The following MAD1L1 variants were observed in gnomAD, a reference collection of about 807,000 sequenced individuals.
The protein encoded by MAD1L1 is mitotic arrest deficient 1 like 1, also known as mitotic spindle assembly checkpoint protein MAD1.
A neutral mutation model predicts 96.9 loss-of-function variants in MAD1L1; 95 were observed. The observed-to-expected ratio is 0.98, with a 90% confidence interval of 0.83 to 1.16. The LOEUF (loss-of-function observed/expected upper bound fraction) is 1.16, where lower values mean the gene tolerates loss of function less well. Ranked by LOEUF, MAD1L1 falls within the 50% of genes most tolerant of loss-of-function variation. The probability of loss-of-function intolerance (pLI) is 0.00; values close to 1 mark genes in which losing one functional copy is unlikely to be tolerated. For synonymous variants in MAD1L1, 473 were observed against 396.6 expected, an observed-to-expected ratio of 1.19 and a Z score of -2.29; for missense variants, 1,007 against 954.4, an observed-to-expected ratio of 1.06 and a Z score of -0.73.
chr7:1,902,772 TACGGAAGACGATCTTGCGGAACTC>T (rs1787328697), intron 17 of MAD1L1, among the ~76,000 whole-genome samples: 2 of 152,248 alleles, frequency 1.3e-5, no homozygotes, highest in Non-Finnish European at 2.9e-5. Flanking sequence ...CGCAGTGGCC[TACGGAAGACGATCTTGCGGAACTC>T]ATGATTGATG....
intron 15 of MAD1L1, among the ~76,000 whole-genome samples, chr7:1,961,272 T>G (rs1312183888): frequency 6.6e-6 from 1 of 152,202 alleles, no homozygotes; most frequent in Non-Finnish European, 1.5e-5. Flanking sequence ...CATATGGAGA[T>G]GTAATGGACC....
chr7:2,125,827 C>T (rs1788205115), intron 11 of MAD1L1, among the ~76,000 whole-genome samples: 1 of 152,270 alleles, frequency 6.6e-6, no homozygotes. Flanking sequence ...AGACTCCTGA[C>T]ATTTGTCCCG....
intron 18 of MAD1L1, among the ~76,000 whole-genome samples, chr7:1,885,152 G>A (rs1785933034): frequency 6.6e-6 from 1 of 152,114 alleles, no homozygotes; most frequent in South Asian, 2.1e-4. Context: ...GAAGAGAAAG[G>A]ACCTCGCTGC....
chr7:1,989,189 C>G (rs1033009249), intron 14 of MAD1L1, among the ~76,000 whole-genome samples: 6 of 152,218 alleles, frequency 3.9e-5, no homozygotes, highest in Non-Finnish European at 7.3e-5. Context: ...GCCACGGGAG[C>G]CACTCCACAC....
rs1787865234 is a variant in MAD1L1, at chr7:2,119,350, C to G, written c.1073+29802G>C. ...CCCTATCGCATCTCCATCACCCACC[C>G]TTTCTGACAGTGGCCCACATGGTTT... On this transcript the variant is annotated intron_variant, in intron 11 of 18. Coordinates refer to ENST00000265854, the MANE Select transcript of MAD1L1 (RefSeq NM_001013836.2). This position sits in a 1 kb window ranked among gnomAD's most constrained non-coding sequence, Gnocchi z 4.6. Among the ~76,000 whole-genome samples the G allele has an allele frequency of 6.6e-6, 1 of 152,234 alleles. No individual in the cohort carries two copies. Among genetic ancestry groups the G allele is most frequent in the Admixed American group, 6.5e-5 (1 of 15,282 alleles).
intron 18 of MAD1L1, among the ~76,000 whole-genome samples, chr7:1,892,183 C>T (rs752472600): frequency 5.0e-4 from 76 of 152,178 alleles, no homozygotes; most frequent in Non-Finnish European, 8.7e-4. Context: ...CTGCATTCAG[C>T]ACAGTCACGC....
intron 17 of MAD1L1, among the ~76,000 whole-genome samples, chr7:1,918,984 C>G (rs114682777): frequency 1.3e-3 from 203 of 152,374 alleles, no homozygotes; most frequent in African/African-American, 4.4e-3. Context: ...TGGGTCACCC[C>G]AGGCTCTGGC....
At chr7:1,874,194 C>T (rs1308704588) in intron 18 of MAD1L1, among the ~76,000 whole-genome samples, 6 of 152,160 alleles carry the variant, frequency 3.9e-5, no homozygotes, top group Non-Finnish European at 5.9e-5. Flanking sequence ...GTCAGTGCAG[C>T]GAGGCCGTCT....
chr7:1,939,277 T>TGGGCCA (rs1778820754), intron 16 of MAD1L1, among the ~76,000 whole-genome samples: 2 of 132,206 alleles, frequency 1.5e-5, no homozygotes, highest in East Asian at 2.5e-4. Context: ...CGCGCACACA[T>TGGGCCA]GGGCCAGGGC....
rs573192781 is a variant in MAD1L1, at chr7:1,879,629, G to A, written c.1998+18571C>T. On this transcript the variant is annotated intron_variant, in intron 18 of 18. Coordinates refer to ENST00000265854, the MANE Select transcript of MAD1L1 (RefSeq NM_001013836.2). Reference sequence around the variant, plus strand: ...AAAAGAACAAAATTGGAGGACTTATGTTACTTGACTTTGAGACTTACTATA... The same window carrying A: ...AAAAGAACAAAATTGGAGGACTTATATTACTTGACTTTGAGACTTACTATA... 1.5e-4 allele frequency among the ~76,000 whole-genome samples: 23 copies of A among 152,326 alleles called. No homozygotes were observed. The South Asian group carries it at 4.8e-3, about 32-fold the overall frequency.
chr7:1,841,844 G>A lies in MAD1L1; in HGVS notation c.1999-25616C>T, dbSNP rs1032913140. On this transcript the variant is annotated intron_variant, in intron 18 of 18. Transcript: ENST00000265854. ...GGGCGGGTGCCTCGCTTCTGCCCTC[G>A]CATGAGTCTCCCCTTCCTGAGCTGG... Among the ~76,000 whole-genome samples the A allele has an allele frequency of 7.2e-5, 11 of 152,302 alleles. No individual in the cohort carries two copies. In the East Asian group the frequency reaches 1.4e-3, roughly 19 times the overall value.
intron 11 of MAD1L1, among the ~76,000 whole-genome samples, chr7:2,123,387 C>A (rs558115106): frequency 1.1e-3 from 171 of 151,868 alleles, no homozygotes; most frequent in African/African-American, 3.8e-3. Context: ...GGAGACATTG[C>A]GGGAGGGCTC....
At chr7:1,860,190 C>A (rs1267270676) in intron 18 of MAD1L1, among the ~76,000 whole-genome samples, 3 of 148,692 alleles carry the variant, frequency 2.0e-5, no homozygotes, top group African/African-American at 7.5e-5. Context: ...GCCTCTGTGT[C>A]CCTAGACCTG....
chr7:2,031,453 G>A (rs1369679498), intron 12 of MAD1L1, among the ~76,000 whole-genome samples: 2 of 152,192 alleles, frequency 1.3e-5, no homozygotes, highest in Non-Finnish European at 2.9e-5. Context: ...AGGAAGGAGT[G>A]GAATCAATTA....
chr7:1,926,078 C>T (rs776664081), intron 17 of MAD1L1, among the ~76,000 whole-genome samples: 16 of 152,166 alleles, frequency 1.1e-4, no homozygotes, highest in South Asian at 2.1e-4. Context: ...GAAGGAGTAC[C>T]GCTACGAACC....
chr7:2,060,720 G>T (rs1177421874), intron 12 of MAD1L1, among the ~76,000 whole-genome samples: 2 of 152,342 alleles, frequency 1.3e-5, no homozygotes, highest in East Asian at 3.9e-4. Context: ...GTGGGGAGAA[G>T]GCGGCCTTGC....
chr7:1,979,696 T>C (rs1204885502), intron 15 of MAD1L1, among the ~76,000 whole-genome samples: 1 of 152,120 alleles, frequency 6.6e-6, no homozygotes, highest in African/African-American at 2.4e-5. Context: ...CCTAGGACAG[T>C]GCAGTGGCAG....
chr7:1,965,657 A>T (rs1780134534), intron 15 of MAD1L1, among the ~76,000 whole-genome samples: 1 of 152,198 alleles, frequency 6.6e-6, no homozygotes, highest in Non-Finnish European at 1.5e-5. Flanking sequence ...TTCGCACACT[A>T]CCACGGGCTC....
intron 14 of MAD1L1, among the ~76,000 whole-genome samples, chr7:1,995,969 G>A (rs1781535533): frequency 6.6e-6 from 1 of 152,216 alleles, no homozygotes; most frequent in Non-Finnish European, 1.5e-5. Context: ...TGCAGGCACT[G>A]GCCATGCTGC....
Sources: allele counts gnomAD v4.1 joint callset (sites outside exome capture counted in the v4.1 genomes callset), GRCh38; gene constraint gnomAD v4.1.1; non-coding constraint Gnocchi (gnomAD v3.1); transcripts MANE v1.5; gene names NCBI Gene and HGNC (gene_info 2026-07-23, HGNC 2026-07-21).